Variants in NBAS observed in about 807,000 individuals in gnomAD.
The protein encoded by NBAS is NAG/BC035112 fusion.
A neutral mutation model predicts 302.5 loss-of-function variants in NBAS; 219 were observed. That is an observed-to-expected ratio of 0.72 (90% CI 0.65 to 0.81). The LOEUF (loss-of-function observed/expected upper bound fraction) is 0.81. Among genes scored for constraint, NBAS ranks in the 30% least tolerant of loss-of-function variants. The probability of loss-of-function intolerance (pLI) is 0.00; values close to 1 mark genes in which losing one functional copy is unlikely to be tolerated. For missense variants in NBAS, 2,932 were observed against 2,841.6 expected, an observed-to-expected ratio of 1.03 and a Z score of -0.72; for synonymous variants, 1,118 against 1,021.6, an observed-to-expected ratio of 1.09 and a Z score of -1.80.
intron 9 of NBAS, among the ~76,000 whole-genome samples, chr2:15,524,835 G>A (rs1256777949): frequency 1.3e-5 from 2 of 151,344 alleles, no homozygotes; most frequent in African/African-American, 4.9e-5. Context: ...TAATTCTGAT[G>A]TCCATACCTT....
the NBAS span, among the ~76,000 whole-genome samples, chr2:14,980,757 G>GTTTTT: frequency 6.6e-6 from 1 of 152,114 alleles, no homozygotes; most frequent in African/African-American, 2.4e-5. Context: ...AGATATAAAA[G>GTTTTT]AAACAATCAA....
At chr2:15,004,587 A>G in the NBAS span, among the ~76,000 whole-genome samples, 352 of 151,790 alleles carry the variant, frequency 2.3e-3, 2 homozygotes, top group Middle Eastern at 0.014. Context: ...TGGCAGCCTC[A>G]ACCACCAGGC....
the NBAS span, among the ~76,000 whole-genome samples, chr2:14,924,855 A>C: frequency 6.6e-6 from 1 of 152,118 alleles, no homozygotes; most frequent in African/African-American, 2.4e-5. Flanking sequence ...CCTTAACTTC[A>C]TGCATGATAT....
At chr2:15,025,784 G>T in the NBAS span, among the ~76,000 whole-genome samples, 1 of 152,016 alleles carries the variant, frequency 6.6e-6, no homozygotes, top group East Asian at 1.9e-4. Flanking sequence ...CAGTGTATAG[G>T]ATTGCTTTTT....
chr2:15,010,791 C>A, the NBAS span, among the ~76,000 whole-genome samples: 1 of 152,192 alleles, frequency 6.6e-6, no homozygotes, highest in East Asian at 1.9e-4. Flanking sequence ...GAAAAGAAAA[C>A]AACCAACAAG....
the NBAS span, among the ~76,000 whole-genome samples, chr2:15,116,409 CAGAGAGAG>C: frequency 4.0e-5 from 6 of 150,088 alleles, no homozygotes; most frequent in South Asian, 2.1e-4. Context: ...CCCCACATGG[CAGAGAGAG>C]AGAGAGAGAG....
the NBAS span, among the ~76,000 whole-genome samples, chr2:14,918,006 T>A: frequency 6.4e-3 from 971 of 152,242 alleles, 9 homozygotes; most frequent in African/African-American, 0.021. Flanking sequence ...ACCCCTGGTT[T>A]TTAACTCGCA....
chr2:15,175,391 G>C (rs910435025), intron 51 of NBAS, among the ~76,000 whole-genome samples: 5 of 152,152 alleles, frequency 3.3e-5, no homozygotes, highest in African/African-American at 1.2e-4. Flanking sequence ...TGAAGAGCAG[G>C]AGCCGTTACA....
At chr2:14,803,319 G>C in the NBAS span, among the ~76,000 whole-genome samples, 2 of 152,172 alleles carry the variant, frequency 1.3e-5, no homozygotes, top group Non-Finnish European at 2.9e-5. Flanking sequence ...TACATGTGCT[G>C]ATTACTACTT....
rs947811574 is a variant in NBAS at position 15,345,046 on chromosome 2, A to G, written c.4179+6946T>C. On this transcript the variant is annotated intron_variant, in intron 35 of 51. Coordinates refer to ENST00000281513, the MANE Select transcript of NBAS (RefSeq NM_015909.4). ...GCTATTAATGACAAACCCAAAGCCA[A>G]TATCACATTAAATGGGCAAAAACTG... Among the ~76,000 whole-genome samples the G allele has an allele frequency of 3.9e-5, 6 of 152,314 alleles. No individual in the cohort carries two copies. The South Asian group carries it at 1.0e-3, about 26-fold the overall frequency.
chr2:14,878,665 G>A, the NBAS span, among the ~76,000 whole-genome samples: 17 of 152,072 alleles, frequency 1.1e-4, no homozygotes, highest in Admixed American at 1.3e-4. Context: ...ATCAGTTTCA[G>A]GTTCACAGAA....
chr2:14,786,961 C>T, the NBAS span, among the ~76,000 whole-genome samples: 2 of 152,102 alleles, frequency 1.3e-5, no homozygotes, highest in African/African-American at 2.4e-5. Context: ...GAGTCTAAGC[C>T]TCTTTGTAGG....
chr2:15,274,762 A>AT lies in NBAS; in HGVS notation c.5724+721dup, dbSNP rs371201287. On this transcript the variant is annotated intron_variant, in intron 44 of 51. Coordinates refer to ENST00000281513, the MANE Select transcript of NBAS (RefSeq NM_015909.4). Reference sequence around the variant, plus strand: ...GCATGATATGAATAACATCTTTTTTATTTTTTTATGTTATTATTTTGAGAC... The same window carrying AT: ...GCATGATATGAATAACATCTTTTTTATTTTTTTTATGTTATTATTTTGAGAC... Among the ~76,000 whole-genome samples the AT allele has an allele frequency of 2.6e-5, 4 of 151,698 alleles. No individual in the cohort carries two copies. In the East Asian group the frequency reaches 7.8e-4, roughly 29 times the overall value.
intron 44 of NBAS, among the ~76,000 whole-genome samples, chr2:15,275,100 CT>C (rs1255549143): frequency 6.6e-6 from 1 of 152,104 alleles, no homozygotes; most frequent in Non-Finnish European, 1.5e-5. Flanking sequence ...TTTTTAAAGA[CT>C]CAGGCTAACC....
chr2:14,977,952 T>C, the NBAS span, among the ~76,000 whole-genome samples: 1 of 152,180 alleles, frequency 6.6e-6, no homozygotes, highest in Non-Finnish European at 1.5e-5. Context: ...CAAATGTTTT[T>C]ATGTTACCTC....
intron 47 of NBAS, among the ~76,000 whole-genome samples, chr2:15,222,884 T>G (rs944214605): frequency 1.3e-5 from 2 of 152,216 alleles, no homozygotes; most frequent in African/African-American, 4.8e-5. Flanking sequence ...AGTTATTAAA[T>G]CAAATTAGTT....
chr2:15,145,827 C>A, the NBAS span, among the ~76,000 whole-genome samples: 1 of 152,004 alleles, frequency 6.6e-6, no homozygotes, highest in African/African-American at 2.4e-5. Flanking sequence ...GGGTGGGGGG[C>A]CCAGAACATG....
the NBAS span, among the ~76,000 whole-genome samples, chr2:15,002,004 A>G: frequency 5.9e-5 from 9 of 152,264 alleles, no homozygotes; most frequent in African/African-American, 2.2e-4. Context: ...GCTGATTGGT[A>G]TAGCCCAGTG....
At chr2:15,003,188 A>C in the NBAS span, among the ~76,000 whole-genome samples, 1 of 152,232 alleles carries the variant, frequency 6.6e-6, no homozygotes, top group Non-Finnish European at 1.5e-5. Flanking sequence ...TTGGGGATGC[A>C]GCATTTCTTC....
Sources: allele counts gnomAD v4.1 joint callset (sites outside exome capture counted in the v4.1 genomes callset), GRCh38; gene constraint gnomAD v4.1.1; transcripts MANE v1.5; gene names NCBI Gene and HGNC (gene_info 2026-07-23, HGNC 2026-07-21).